The following SIPA1L3 variants were observed in gnomAD, a reference collection of about 807,000 sequenced individuals.
SIPA1L3 encodes signal-induced proliferation-associated 1-like protein 3.
A neutral mutation model predicts 150.1 loss-of-function variants in SIPA1L3; 59 were observed. That is an observed-to-expected ratio of 0.39 (90% CI 0.32 to 0.49). The LOEUF (loss-of-function observed/expected upper bound fraction) is 0.49. SIPA1L3 is among the 20% of genes least tolerant of loss of function. The pLI, the probability that SIPA1L3 is intolerant of heterozygous loss-of-function variation, is 0.86. For missense variants in SIPA1L3, 2,211 were observed against 2,489.5 expected (o/e 0.89, Z 2.38); for synonymous variants, 1,070 against 1,077.6 (o/e 0.99, Z 0.14).
intron 16 of SIPA1L3, among the ~76,000 whole-genome samples, chr19:38,187,711 G>A (rs1384094247): frequency 1.0e-4 from 9 of 90,022 alleles, no homozygotes; most frequent in Admixed American, 1.7e-4. Flanking sequence ...GCGAGACTCC[G>A]TCTCAAAAAA....
chr19:38,189,350 C>T (rs115803630), intron 16 of SIPA1L3, among the ~76,000 whole-genome samples: 106 of 152,180 alleles, frequency 7.0e-4, no homozygotes, highest in African/African-American at 2.4e-3. Flanking sequence ...TCTCACACTC[C>T]GCACTCCTGG....
chr19:38,106,522 G>A lies in SIPA1L3; in HGVS notation c.2030-15G>A. On this transcript the variant is annotated splice_polypyrimidine_tract_variant and intron_variant, in intron 6 of 21. Transcript: ENST00000222345. ...GGTTTTGGAAACATGGTCCTAACTG[G>A]CATTTCTGTTTCAGCCGACTCCACG... is the stretch of plus-strand genomic sequence containing the variant. 2 of 1,563,732 alleles carry A rather than the reference G, an allele frequency of 1.3e-6. No individual in the cohort carries two copies. Among genetic ancestry groups the A allele is most frequent in the Non-Finnish European group, 1.8e-6 (2 of 1,134,084 alleles).
At chr19:38,095,448 G>C (rs1024767282) in intron 4 of SIPA1L3, among the ~76,000 whole-genome samples, 3 of 152,188 alleles carry the variant, frequency 2.0e-5, no homozygotes, top group African/African-American at 7.2e-5. Flanking sequence ...GTCAAGCGGG[G>C]AGTACGTCTG....
At chr19:38,060,484 C>T (rs1229974975) in intron 2 of SIPA1L3, among the ~76,000 whole-genome samples, 3 of 152,140 alleles carry the variant, frequency 2.0e-5, no homozygotes, top group Non-Finnish European at 2.9e-5. Flanking sequence ...AGGTGGGCTG[C>T]GGCTATGCCT....
intron 3 of SIPA1L3, among the ~76,000 whole-genome samples, chr19:38,086,971 G>A (rs1970145853): frequency 6.6e-6 from 1 of 152,200 alleles, no homozygotes; most frequent in Admixed American, 6.6e-5. Flanking sequence ...ATCACCTTTG[G>A]ATGGTGGAAG....
At chr19:38,127,387 A>G (rs1384806516) in intron 9 of SIPA1L3, among the ~76,000 whole-genome samples, 1 of 152,256 alleles carries the variant, frequency 6.6e-6, no homozygotes, top group African/African-American at 2.4e-5. Context: ...GCCATCATAC[A>G]TAAAATAAAA....
At chr19:38,191,171 C>T (rs1972795762) in intron 16 of SIPA1L3, among the ~76,000 whole-genome samples, 1 of 151,938 alleles carries the variant, frequency 6.6e-6, no homozygotes, top group East Asian at 1.9e-4. Context: ...CTTTGGGAGG[C>T]TGAGGCGGAA....
At chr19:37,968,815 G>A (rs952576356) in intron 1 of SIPA1L3, among the ~76,000 whole-genome samples, 5 of 152,192 alleles carry the variant, frequency 3.3e-5, no homozygotes, top group African/African-American at 1.2e-4. Flanking sequence ...ACTTTCTGCA[G>A]AAATTCTGAA....
chr19:37,916,493 T>TAA (rs911159767), intron 1 of SIPA1L3, among the ~76,000 whole-genome samples: 31 of 90,748 alleles, frequency 3.4e-4, no homozygotes, highest in Middle Eastern at 6.4e-3. Flanking sequence ...ACTCTGTGTC[T>TAA]AAAAAAAAAA....
At chr19:37,980,304 C>G (rs1967171452) in intron 1 of SIPA1L3, among the ~76,000 whole-genome samples, 1 of 152,172 alleles carries the variant, frequency 6.6e-6, no homozygotes, top group Admixed American at 6.5e-5. Context: ...TATATCAATA[C>G]AAGCAAATAT....
At chr19:38,121,924 A>G (rs556757247) in intron 9 of SIPA1L3, among the ~76,000 whole-genome samples, 2 of 150,364 alleles carry the variant, frequency 1.3e-5, no homozygotes, top group Non-Finnish European at 3.0e-5. Context: ...GACTCAAAAA[A>G]AAAAATGAAA....
At chr19:37,917,352 C>T (rs1226869413) in intron 1 of SIPA1L3, among the ~76,000 whole-genome samples, 7 of 152,020 alleles carry the variant, frequency 4.6e-5, no homozygotes, top group South Asian at 2.1e-4. Flanking sequence ...TTTATCTTGG[C>T]GGAGAAGGGC....
chr19:38,082,927 C>A lies in SIPA1L3; in HGVS notation c.1362C>A (p.Ser454Arg). Residue 454 changes from serine to arginine, a missense_variant, in exon 3 of 22, where the codon AGC (serine) becomes AGA (arginine). Physicochemically the swap from Ser to Arg is moderately radical, Grantham distance 110 (BLOSUM62 -1). Transcript: ENST00000222345. ...FSRASVGSPS[S>R]GEGHLAEPAL... The stretch of plus-strand genomic sequence containing the variant: ...GGGCTTCCGTGGGCTCCCCGAGCAG[C>A]GGCGAGGGCCACCTGGCAGAGCCCG... 1 of 1,613,016 alleles carries A rather than the reference C, an allele frequency of 6.2e-7. No individual in the cohort carries two copies. The highest frequency in any genetic ancestry group is 8.5e-7 in the Non-Finnish European group (1 of 1,179,900).
chr19:38,182,915 G>A (rs1410202432), intron 16 of SIPA1L3, 175 bp downstream of exon 16: 2 of 572,648 alleles, frequency 3.5e-6, no homozygotes, highest in Non-Finnish European at 6.1e-6. Context: ...CTCTTGGGGA[G>A]CTGGCATTCC....
Position 38,119,707 on chromosome 19 carries a change from T to C in SIPA1L3, c.2693T>C (p.Val898Ala), listed in dbSNP as rs767950276. Residue 898 changes from valine (V) to alanine (A), a missense_variant, in exon 9 of 22, where the codon GTG becomes GCG. Physicochemically the swap from Val to Ala is moderately conservative, Grantham distance 64. This residue lies in a region of SIPA1L3 where 625 missense variants were observed against 804.2 expected (regional missense o/e 0.78). Coordinates refer to ENST00000222345, the MANE Select transcript of SIPA1L3 (RefSeq NM_015073.3). ...TTGGGAATTTCCAATGAGTTTGTGG[T>C]GCTCCTGGACTTACGCACCAAGGAG... ...CILGISNEFV[V>A]LLDLRTKEVV... 2 of 1,614,144 alleles carry C rather than the reference T, an allele frequency of 1.2e-6. No individual in the cohort carries two copies. The highest frequency in any genetic ancestry group is 2.2e-5 in the South Asian group (2 of 91,078).
intron 1 of SIPA1L3, among the ~76,000 whole-genome samples, chr19:38,002,290 T>C (rs950740224): frequency 8.5e-5 from 13 of 152,214 alleles, no homozygotes; most frequent in African/African-American, 3.1e-4. Context: ...AGTGGAATCA[T>C]CCGGTATTTG....
At chr19:38,113,480 G>A (rs544094355) in intron 8 of SIPA1L3, among the ~76,000 whole-genome samples, 83 of 152,040 alleles carry the variant, frequency 5.5e-4, no homozygotes, top group African/African-American at 2.0e-3. Flanking sequence ...CAATTTACAA[G>A]TTAGCCAGGC....
intron 8 of SIPA1L3, 112 bp from the exon 9 acceptor site, chr19:38,119,194 C>T (rs568268430): frequency 5.0e-4 from 535 of 1,061,898 alleles, no homozygotes; most frequent in African/African-American, 3.1e-3. Flanking sequence ...AGACCTGTCT[C>T]GATAAAACAA....
At chr19:37,976,238 C>G (rs902945652) in intron 1 of SIPA1L3, among the ~76,000 whole-genome samples, 1 of 152,058 alleles carries the variant, frequency 6.6e-6, no homozygotes, top group African/African-American at 2.4e-5. Context: ...GAGGGTTGTC[C>G]TGGAGGGGAT....
Sources: allele counts gnomAD v4.1 joint callset (sites outside exome capture counted in the v4.1 genomes callset), GRCh38; gene constraint gnomAD v4.1.1; regional missense constraint gnomAD v4.1.1; transcripts MANE v1.5; gene names NCBI Gene and HGNC (gene_info 2026-07-23, HGNC 2026-07-21).